Variants in CPS1 observed in about 807,000 individuals in gnomAD.
CPS1 encodes carbamoyl-phosphate synthase 1.
A neutral mutation model predicts 174.6 loss-of-function variants in CPS1; 109 were observed. That is an observed-to-expected ratio of 0.62 (90% CI 0.53 to 0.73). CPS1 has a LOEUF of 0.73. CPS1 is among the 30% of genes least tolerant of loss of function. The pLI, the probability that CPS1 is intolerant of heterozygous loss-of-function variation, is 0.00. For missense variants in CPS1, 1,689 were observed against 1,821.9 expected, an observed-to-expected ratio of 0.93 and a Z score of 1.33; for synonymous variants, 637 against 632.0, an observed-to-expected ratio of 1.01 and a Z score of -0.12.
At chr2:210,619,559 A>G (rs1305642130) in intron 21 of CPS1, 1 of 152,020 alleles carries the variant, frequency 6.6e-6, no homozygotes, top group African/African-American at 2.4e-5. Flanking sequence ...CACAATTTTT[A>G]TTTGCTTTTA....
chr2:210,600,112 C>CAA lies in CPS1; in HGVS notation c.1550-431_1550-430dup, dbSNP rs533203257. On this transcript the variant is annotated intron_variant, in intron 14 of 37. Transcript: ENST00000233072. ...GCAATTGGTGATATAACTTGTATGTCAAAAAAAAAAAAAGGACTAAGGCAA... is the reference window on the plus strand; with the variant it reads ...GCAATTGGTGATATAACTTGTATGTCAAAAAAAAAAAAAAAGGACTAAGGCAA... Among the ~76,000 whole-genome samples the CAA allele has an allele frequency of 4.2e-3, 530 of 124,870 alleles. 2 individuals carry two copies. Among genetic ancestry groups the CAA allele is most frequent in the African/African-American group, 0.015 (496 of 33,938 alleles). The allele number at this position is 124,870 out of a possible 152,430, so 81.9% of individuals were successfully genotyped here.
intron 29 of CPS1, among the ~76,000 whole-genome samples, chr2:210,656,144 T>C (rs1227272021): frequency 1.3e-5 from 2 of 152,238 alleles, no homozygotes; most frequent in Non-Finnish European, 2.9e-5. Flanking sequence ...TAGATAGATA[T>C]TGAGCTCTCC....
chr2:210,566,764 T>G (rs982839005), intron 1 of CPS1, among the ~76,000 whole-genome samples: 4 of 152,160 alleles, frequency 2.6e-5, no homozygotes, highest in Non-Finnish European at 5.9e-5. Flanking sequence ...CATCATTATT[T>G]TTTGTGAAGA....
chr2:210,635,270 C>G (rs1442520590), intron 21 of CPS1, among the ~76,000 whole-genome samples: 3 of 152,066 alleles, frequency 2.0e-5, no homozygotes, highest in African/African-American at 7.2e-5. Flanking sequence ...TAGCTCTGTT[C>G]TCATCCCTCC....
intron 1 of CPS1, among the ~76,000 whole-genome samples, chr2:210,562,883 T>C (rs1361262848): frequency 1.4e-5 from 2 of 144,494 alleles, no homozygotes; most frequent in South Asian, 2.2e-4. Context: ...TTTTTTTTTT[T>C]CAAACCTTTT....
At chr2:210,629,980 G>A (rs1699816553) in intron 21 of CPS1, among the ~76,000 whole-genome samples, 1 of 151,910 alleles carries the variant, frequency 6.6e-6, no homozygotes. Flanking sequence ...GGCTGAGGCA[G>A]GAGAATGGTG....
rs572122867 is a variant in CPS1 at position 210,609,477 on chromosome 2, C to T, written c.2391+918C>T. Among the ~76,000 whole-genome samples the T allele has an allele frequency of 2.3e-4, 35 of 152,084 alleles. No homozygotes were observed. In the South Asian group the frequency reaches 7.2e-3, roughly 32 times the overall value. On this transcript the variant is annotated intron_variant, in intron 19 of 37. Coordinates refer to ENST00000233072, the MANE Select transcript of CPS1 (RefSeq NM_001875.5). The stretch of plus-strand genomic sequence containing the variant: ...ATAAAATAGAAATAATAATACCTAC[C>T]TTGCAGGATTCTTATAATACCCCCT...
Position 210,498,587 on chromosome 2 carries a change from A to G in CPS1, c.3+20821A>G, listed in dbSNP as rs958369671. ...TTTAGGGTTTTCTAGGCGTAGAATC[A>G]TATCAGTGAAGAGAGACAGTTTGAC... On this transcript the variant is annotated intron_variant, in intron 1 of 38. Transcript: ENST00000430249. Among the ~76,000 whole-genome samples, 4 of 152,168 alleles carry G rather than the reference A, an allele frequency of 2.6e-5. No homozygotes were observed. In the East Asian group the frequency reaches 7.7e-4, roughly 29 times the overall value.
At chr2:210,545,580 T>G (rs766899233) in intron 1 of CPS1, among the ~76,000 whole-genome samples, 24 of 152,062 alleles carry the variant, frequency 1.6e-4, no homozygotes, top group Non-Finnish European at 1.9e-4. Context: ...ATTTATAGCA[T>G]TTAATATTAA....
At chr2:210,606,029 G>C (rs993113350) in intron 17 of CPS1, among the ~76,000 whole-genome samples, 23 of 151,862 alleles carry the variant, frequency 1.5e-4, no homozygotes, top group African/African-American at 5.3e-4. Context: ...TTTTATAAAA[G>C]AGCTTTGTTT....
rs555740700 is a variant in CPS1 at position 210,657,310 on chromosome 2, C to CTT, written c.3666+694_3666+695dup. On this transcript the variant is annotated intron_variant, in intron 30 of 37. Transcript: ENST00000233072. ...TAGGTGTACATTTAGAACCTATCAT[C>CTT]TTTTTTTTTTTTTTTTTGGAGACGG... is the stretch of plus-strand genomic sequence containing the variant. The CTT allele has an allele frequency of 2.8e-3, 395 of 140,552 alleles. 4 individuals are homozygous for CTT. Among genetic ancestry groups the CTT allele is most frequent in the African/African-American group, 9.7e-3 (369 of 38,158 alleles). 8.7% of individuals were successfully genotyped at this position (140,552 alleles called of 1,614,324 possible).
chr2:210,624,510 T>A (rs17825928), intron 21 of CPS1, among the ~76,000 whole-genome samples: 2,687 of 152,174 alleles, frequency 0.018, 32 homozygotes, highest in Non-Finnish European at 0.028. Context: ...CCATGGGAAA[T>A]TTTATAACTC....
At chr2:210,561,841 C>T (rs1034548407) in intron 1 of CPS1, among the ~76,000 whole-genome samples, 3 of 151,978 alleles carry the variant, frequency 2.0e-5, no homozygotes, top group Non-Finnish European at 4.4e-5. Flanking sequence ...TTATTTTTTT[C>T]AACTTGTTAA....
intron 17 of CPS1, among the ~76,000 whole-genome samples, chr2:210,606,394 C>T (rs957786403): frequency 1.3e-5 from 2 of 151,652 alleles, no homozygotes; most frequent in Admixed American, 6.6e-5. Context: ...AGCTGATGAG[C>T]CAGTCTGAGT....
chr2:210,559,070 C>G (rs1559076075), intron 1 of CPS1, among the ~76,000 whole-genome samples: 1 of 152,054 alleles, frequency 6.6e-6, no homozygotes, highest in Non-Finnish European at 1.5e-5. Flanking sequence ...AGTCCTCTAT[C>G]TACTTTTCTT....
chr2:210,604,612 G>A (rs567776836), intron 16 of CPS1, among the ~76,000 whole-genome samples: 4 of 151,940 alleles, frequency 2.6e-5, no homozygotes, highest in East Asian at 2.0e-4. Context: ...TTGGCTAACC[G>A]TTTACAACCA....
At chr2:210,601,224 TTA>T in intron 15 of CPS1, among the ~76,000 whole-genome samples, 1 of 152,098 alleles carries the variant, frequency 6.6e-6, no homozygotes, top group African/African-American at 2.4e-5. Context: ...CCATTGCCCC[TTA>T]TGCCTATCAA....
chr2:210,574,106 G>T (rs1418522844), intron 2 of CPS1, among the ~76,000 whole-genome samples: 2 of 152,020 alleles, frequency 1.3e-5, no homozygotes, highest in South Asian at 4.1e-4. Flanking sequence ...TGAAGTTCTA[G>T]TCTCAATTCT....
At chr2:210,542,488 A>G (rs538427685) in intron 1 of CPS1, among the ~76,000 whole-genome samples, 1 of 152,260 alleles carries the variant, frequency 6.6e-6, no homozygotes, top group Non-Finnish European at 1.5e-5. Flanking sequence ...ACCTTCAGTA[A>G]GAGAAGATAT....
Sources: gnomAD v4.1 joint callset for allele counts (sites outside exome capture counted in the v4.1 genomes callset) on GRCh38, gnomAD v4.1.1 for gene constraint, MANE v1.5 for transcripts, NCBI Gene and HGNC (gene_info 2026-07-23, HGNC 2026-07-21) for gene names.